BNIPL: variants seen among roughly 807,000 people sequenced by gnomAD.
BNIPL encodes the protein BCL2 interacting protein like, also known as bcl-2/adenovirus E1B 19 kDa-interacting protein 2-like protein.
BNIPL carries 33 observed loss-of-function variants against 47.0 expected under a neutral mutation model. The ratio of observed to expected loss-of-function variants is 0.70; its 90% CI spans 0.53 to 0.94. The LOEUF (loss-of-function observed/expected upper bound fraction) is 0.94. Ranked by LOEUF, BNIPL falls within the 40% of genes least tolerant of loss-of-function variation. The pLI, the probability that BNIPL is intolerant of heterozygous loss-of-function variation, is 0.00. For missense variants in BNIPL, 404 were observed against 445.2 expected, an observed-to-expected ratio of 0.91 and a Z score of 0.83; for synonymous variants, 145 against 162.7, an observed-to-expected ratio of 0.89 and a Z score of 0.83.
chr1:151,040,988 T>G (rs1401400218), intron 4 of BNIPL, among the ~76,000 whole-genome samples: 1 of 151,854 alleles, frequency 6.6e-6, no homozygotes, highest in African/African-American at 2.4e-5. Flanking sequence ...GGGACCAGCC[T>G]GGGCAACAAA....
chr1:151,047,699 G>A lies in BNIPL; in HGVS notation c.*1012G>A, dbSNP rs1000588042. The A allele has an allele frequency of 7.4e-7, 1 of 1,345,204 alleles. No individual in the cohort carries two copies. Among genetic ancestry groups the A allele is most frequent in the South Asian group, 1.6e-5 (1 of 60,734 alleles). 83.3% of individuals were successfully genotyped at this position (1,345,204 alleles called of 1,614,324 possible). A position where few individuals can be genotyped will look rare whatever the true frequency, so the allele number is the denominator to read the frequency against. ...CTTAGGAGCACCCCGCGCGGCCCGC[G>A]CGAGCGCGCCTGCGCGTCGAACCCC... On this transcript the variant is annotated 3_prime_UTR_variant, in exon 10 of 10. Coordinates refer to ENST00000368931, the MANE Select transcript of BNIPL (RefSeq NM_138278.4).
Position 151,038,579 on chromosome 1 carries a change from T to C in BNIPL, c.202+11T>C. On this transcript the variant is annotated intron_variant, in intron 3 of 9. Transcript: ENST00000368931. ...GAGATTCACAGGCAGGTAGGTCAAG[T>C]AGAAACCAGGCCTCAAGTTCTTGAT... 6.2e-7 allele frequency: 1 copy of C among 1,612,014 alleles called. No individual in the cohort carries two copies. The highest frequency in any genetic ancestry group is 1.1e-5 in the South Asian group (1 of 90,986).
Position 151,047,048 on chromosome 1 carries a change from C to A in BNIPL, c.*361C>A. On this transcript the variant is annotated 3_prime_UTR_variant, in exon 10 of 10. Transcript: ENST00000368931. ...GATCTCGGCTCACTGCAACCTCCGC[C>A]TCCCGGTTCAAGCCATTCTTCTGCC... is the stretch of plus-strand genomic sequence containing the variant. 1 of 167,088 alleles carries A rather than the reference C, an allele frequency of 6.0e-6. No homozygotes were observed. Among genetic ancestry groups the A allele is most frequent in the Non-Finnish European group, 1.3e-5 (1 of 77,534 alleles). The allele number at this position is 167,088 out of a possible 1,614,324, so 10.4% of individuals were successfully genotyped here.
intron 4 of BNIPL, among the ~76,000 whole-genome samples, chr1:151,040,912 G>A (rs1489452185): frequency 1.3e-5 from 2 of 152,108 alleles, no homozygotes; most frequent in African/African-American, 4.8e-5. Context: ...TGGGTGCAGT[G>A]GCTCATTCCT....
At chr1:151,038,774 C>T in intron 3 of BNIPL, 22 bp from the exon 4 acceptor site, 2 of 1,559,766 alleles carry the variant, frequency 1.3e-6, no homozygotes, top group African/African-American at 1.4e-5. Context: ...CATCTTGGTT[C>T]TCTTTTTCCC....
chr1:151,043,570 C>T, intron 6 of BNIPL, 26 bp from the exon 7 acceptor site: 3 of 1,602,602 alleles, frequency 1.9e-6, no homozygotes, highest in East Asian at 2.2e-5. Flanking sequence ...CTAACACATA[C>T]CTTCCCTGCA....
chr1:151,039,174 G>C (rs952072388), intron 4 of BNIPL, 148 bp downstream of exon 4: 10 of 1,258,218 alleles, frequency 7.9e-6, no homozygotes, highest in Non-Finnish European at 1.0e-5. Context: ...TGGAACTTGG[G>C]CTTATAGGTC....
At chr1:151,041,021 A>C (rs1173120451) in intron 4 of BNIPL, among the ~76,000 whole-genome samples, 1 of 151,678 alleles carries the variant, frequency 6.6e-6, no homozygotes, top group Admixed American at 6.6e-5. Context: ...TTCTACAAAA[A>C]AAATTTTTTT....
Position 151,038,499 on chromosome 1 carries a change from T to G in BNIPL, c.138-5T>G, listed in dbSNP as rs1675706630. ...TCTGCCGCCTTTTAATCTCTTCCCC[T>G]CTAGATTGCTTCCTGAGGAGGCTGG... On this transcript the variant is annotated splice_polypyrimidine_tract_variant and splice_region_variant and intron_variant, in intron 2 of 9. Transcript: ENST00000368931. The G allele has an allele frequency of 1.2e-6, 2 of 1,608,906 alleles. No homozygotes were observed. Among genetic ancestry groups the G allele is most frequent in the Non-Finnish European group, 1.7e-6 (2 of 1,175,950 alleles).
chr1:151,041,168 G>A (rs1261032983), intron 4 of BNIPL, among the ~76,000 whole-genome samples: 5 of 152,008 alleles, frequency 3.3e-5, no homozygotes, highest in African/African-American at 1.2e-4. Flanking sequence ...CTGGAAGACA[G>A]AGTGAGACCC....
Position 151,038,953 on chromosome 1 carries a change from C to T in BNIPL, c.360C>T (p.Asp120=), listed in dbSNP as rs768006204. The change falls in exon 4 of 10, where the codon GAC becomes GAT. Residue 120 remains aspartate (D), a synonymous_variant. Coordinates refer to ENST00000368931, the MANE Select transcript of BNIPL (RefSeq NM_138278.4). ...SAPSSPDGSS[D]LEIDELETPS... is the part of the protein sequence containing the mutation. ...CTTCCTCTCCTGATGGCAGTTCTGA[C>T]CTGGAGATAGACGAATTGGAGACAC... 5 of 1,613,150 alleles carry T rather than the reference C, an allele frequency of 3.1e-6. No individual in the cohort carries two copies. Among genetic ancestry groups the T allele is most frequent in the South Asian group, 2.2e-5 (2 of 90,974 alleles).
intron 9 of BNIPL, 37 bp downstream of exon 9, chr1:151,046,202 G>GA: frequency 6.2e-7 from 1 of 1,611,616 alleles, no homozygotes; most frequent in Non-Finnish European, 8.5e-7. Context: ...CTTGGGGTGG[G>GA]ATGTGTAAAG....
In BNIPL at chr1:151,038,585, C is replaced by G; in HGVS notation, c.202+17C>G. On this transcript the variant is annotated intron_variant, in intron 3 of 9. Coordinates refer to ENST00000368931, the MANE Select transcript of BNIPL (RefSeq NM_138278.4). ...CACAGGCAGGTAGGTCAAGTAGAAA[C>G]CAGGCCTCAAGTTCTTGATTCTAGT... 6.2e-7 allele frequency: 1 copy of G among 1,611,014 alleles called. No homozygotes were observed. The highest frequency in any genetic ancestry group is 8.5e-7 in the Non-Finnish European group (1 of 1,177,260).
intron 4 of BNIPL, among the ~76,000 whole-genome samples, chr1:151,040,818 A>AAGC (rs1558100280): frequency 1.3e-5 from 2 of 150,348 alleles, no homozygotes; most frequent in Non-Finnish European, 3.0e-5. Flanking sequence ...AAAAAAGAAG[A>AAGC]AGCAGCTCTT....
At chr1:151,038,256 C>G in intron 2 of BNIPL, 1 of 539,366 alleles carries the variant, frequency 1.9e-6, no homozygotes, top group Non-Finnish European at 3.3e-6. Context: ...CACCTGTAGG[C>G]CCAGCTACTC....
intron 2 of BNIPL, 31 bp downstream of exon 2, chr1:151,037,693 G>C: frequency 6.5e-7 from 1 of 1,547,304 alleles, no homozygotes; most frequent in Non-Finnish European, 8.8e-7. Flanking sequence ...CTGGGAGAAG[G>C]GAGGGGTGGT....
chr1:151,043,633 A>G lies in BNIPL; in HGVS notation c.757A>G (p.Asn253Asp), dbSNP rs75353473. ...VGTLELLVAE[N>D]YLLVHLSGGT... ...AACTCTGGAGCTGCTAGTAGCTGAA[A>G]ATTACCTGCTTGTTCATTTGAGTGG... The change falls in exon 7 of 10, where the codon AAT becomes GAT. Residue 253 changes from asparagine (N) to aspartate (D), a missense_variant. Coordinates refer to ENST00000368931, the MANE Select transcript of BNIPL (RefSeq NM_138278.4). The G allele has an allele frequency of 2.0e-3, 3,216 of 1,611,812 alleles. 46 individuals are homozygous for G. In the African/African-American group the frequency reaches 0.036, roughly 18 times the overall value.
intron 3 of BNIPL, 84 bp from the exon 4 acceptor site, chr1:151,038,712 T>C (rs1463679978): frequency 3.2e-6 from 5 of 1,553,914 alleles, no homozygotes; most frequent in South Asian, 1.2e-5. Context: ...CCCCATATTA[T>C]CACTTTCACA....
At chr1:151,036,838 G>A (rs377437563) in intron 1 of BNIPL, 72 bp downstream of exon 1, 64 of 1,436,214 alleles carry the variant, frequency 4.5e-5, no homozygotes, top group Non-Finnish European at 5.3e-5. Context: ...CCACCACCCA[G>A]CTCTTACTGG....
Sources: gnomAD v4.1 joint callset for allele counts (sites outside exome capture counted in the v4.1 genomes callset) on GRCh38, gnomAD v4.1.1 for gene constraint, MANE v1.5 for transcripts, NCBI Gene and HGNC (gene_info 2026-07-23, HGNC 2026-07-21) for gene names.